KIF13B: variants seen among roughly 807,000 people sequenced by gnomAD.
KIF13B encodes kinesin family member 13B.
KIF13B carries 127 observed loss-of-function variants against 222.0 expected under a neutral mutation model. The observed-to-expected ratio is 0.57, with a 90% CI of 0.50 to 0.66. The LOEUF is 0.66. Ranked by LOEUF, KIF13B falls within the 30% of genes least tolerant of loss-of-function variation. The probability of loss-of-function intolerance (pLI) is 0.00; values close to 1 mark genes in which losing one functional copy is unlikely to be tolerated. For synonymous variants in KIF13B, 976 were observed against 919.0 expected, an observed-to-expected ratio of 1.06 and a Z score of -1.12; for missense variants, 2,173 against 2,379.0, an observed-to-expected ratio of 0.91 and a Z score of 1.80.
chr8:29,257,533 G>C (rs1816529267), intron 1 of KIF13B, among the ~76,000 whole-genome samples: 2 of 152,198 alleles, frequency 1.3e-5, no homozygotes. Context: ...ATGGAGGTGA[G>C]AGGGTAAAAG....
chr8:29,097,610 C>T (rs1808592930), intron 36 of KIF13B, among the ~76,000 whole-genome samples: 1 of 151,998 alleles, frequency 6.6e-6, no homozygotes, highest in African/African-American at 2.4e-5. Context: ...AGAATTAATG[C>T]TAGTTGATAA....
At chr8:29,151,205 C>T (rs1811283276) in intron 14 of KIF13B, among the ~76,000 whole-genome samples, 1 of 152,172 alleles carries the variant, frequency 6.6e-6, no homozygotes, top group African/African-American at 2.4e-5. Flanking sequence ...AGAGCAAGGT[C>T]CTAACTCTCT....
chr8:29,250,127 C>G, intron 1 of KIF13B: 1 of 1,017,264 alleles, frequency 9.8e-7, no homozygotes, highest in African/African-American at 1.6e-5. Context: ...CGGAAATCTA[C>G]TGTGACTCAC....
At chr8:29,197,885 G>A (rs536776976) in intron 2 of KIF13B, among the ~76,000 whole-genome samples, 1 of 152,294 alleles carries the variant, frequency 6.6e-6, no homozygotes, top group African/African-American at 2.4e-5. Flanking sequence ...ATAAAGGAAA[G>A]TACTTTTGAA....
chr8:29,142,361 T>C, intron 18 of KIF13B, 58 bp from the exon 19 acceptor site: 1 of 1,470,624 alleles, frequency 6.8e-7, no homozygotes, highest in Non-Finnish European at 9.3e-7. Context: ...AAGTCAAAGC[T>C]GACAATTCCA....
intron 2 of KIF13B, among the ~76,000 whole-genome samples, chr8:29,244,911 C>A (rs1815953984): frequency 6.6e-6 from 1 of 152,160 alleles, no homozygotes. Flanking sequence ...TTATAACTGA[C>A]AGGTATTTAG....
intron 26 of KIF13B, 127 bp from the exon 27 acceptor site, chr8:29,124,250 T>C (rs2129756269): frequency 1.7e-6 from 1 of 580,692 alleles, no homozygotes; most frequent in Non-Finnish European, 3.0e-6. Context: ...ATTTCTTTAT[T>C]GCTACCACCA....
intron 36 of KIF13B, among the ~76,000 whole-genome samples, chr8:29,096,304 T>C (rs1437561935): frequency 1.2e-4 from 18 of 147,392 alleles, no homozygotes; most frequent in African/African-American, 3.0e-4. Context: ...TTTTTTTTTT[T>C]TTTTTTTTTT....
Position 29,262,983 on chromosome 8 carries a change from G to A in KIF13B, c.52C>T (p.Arg18Ter). ...CCCAGGAGGGCTCGGCTCTCACCTC[G>A]CCGGTTCATGGGTCGTATCCGCACC... is the stretch of plus-strand genomic sequence containing the variant. ...VAVRIRPMNR[R>*]ETDLHTKCVV... Residue 18 changes from arginine to a stop codon, truncating the protein, a stop_gained, in exon 1 of 40, where the codon CGA becomes TGA. Coordinates refer to ENST00000524189, the MANE Select transcript of KIF13B (RefSeq NM_015254.4). LOFTEE classifies it high-confidence loss of function. 5 of 1,591,122 alleles carry A rather than the reference G, an allele frequency of 3.1e-6. No individual in the cohort carries two copies. Among genetic ancestry groups the A allele is most frequent in the Non-Finnish European group, 4.3e-6 (5 of 1,170,338 alleles).
chr8:29,101,940 A>G (rs1472383137), intron 35 of KIF13B, among the ~76,000 whole-genome samples: 1 of 152,170 alleles, frequency 6.6e-6, no homozygotes, highest in East Asian at 1.9e-4. Context: ...TACAACCTCC[A>G]TCCTCTTGAC....
At chr8:29,209,547 A>G (rs1160124223) in intron 2 of KIF13B, among the ~76,000 whole-genome samples, 1 of 152,150 alleles carries the variant, frequency 6.6e-6, no homozygotes, top group Non-Finnish European at 1.5e-5. Context: ...CCTTGAGTTC[A>G]TCTCCTGTAA....
chr8:29,153,022 TG>T (rs1380791174), intron 14 of KIF13B, among the ~76,000 whole-genome samples: 2 of 152,218 alleles, frequency 1.3e-5, no homozygotes, highest in Non-Finnish European at 2.9e-5. Flanking sequence ...TGCTTCATTG[TG>T]GAAGTCCGAA....
Position 29,078,312 on chromosome 8 carries a change from AAG to A in KIF13B, c.4459-2971_4459-2970del, listed in dbSNP as rs1287008975. On this transcript the variant is annotated intron_variant, in intron 37 of 39. Coordinates refer to ENST00000524189, the MANE Select transcript of KIF13B (RefSeq NM_015254.4). ...AAACTCCATCTCAAAAAAAAAAAAAAAGAGAGAGGATTCAGAGGAGGAAAGGG... is the reference window on the plus strand; with the variant it reads ...AAACTCCATCTCAAAAAAAAAAAAAAAGAGAGGATTCAGAGGAGGAAAGGG... Among the ~76,000 whole-genome samples the A allele has an allele frequency of 4.6e-5, 7 of 151,502 alleles. No homozygotes were observed. In the East Asian group the frequency reaches 5.8e-4, roughly 13 times the overall value.
chr8:29,099,092 C>G, intron 36 of KIF13B, 41 bp downstream of exon 36: 2 of 1,437,144 alleles, frequency 1.4e-6, no homozygotes, highest in Non-Finnish European at 9.8e-7. Context: ...GAAAGATGCT[C>G]AGATTTCTGA....
intron 2 of KIF13B, among the ~76,000 whole-genome samples, chr8:29,244,378 C>A (rs553147157): frequency 1.6e-4 from 24 of 152,322 alleles, no homozygotes; most frequent in Middle Eastern, 3.4e-3. Context: ...AAATACAGCG[C>A]TGGTTCTAGA....
intron 24 of KIF13B, among the ~76,000 whole-genome samples, chr8:29,129,071 G>GT (rs1462082274): frequency 2.0e-5 from 3 of 152,082 alleles, no homozygotes; most frequent in Non-Finnish European, 4.4e-5. Context: ...GAAAATTGCG[G>GT]TTTTTGCCAT....
intron 37 of KIF13B, among the ~76,000 whole-genome samples, chr8:29,078,480 C>G (rs1258013770): frequency 1.3e-5 from 2 of 152,154 alleles, no homozygotes; most frequent in East Asian, 3.9e-4. Context: ...ATCCTTCACA[C>G]GTAATAGCTG....
rs1807150933 is a variant in KIF13B at position 29,069,515 on chromosome 8, C to G, written c.*989G>C. 1 of 152,306 alleles carries G rather than the reference C, an allele frequency of 6.6e-6. No homozygotes were observed. Among genetic ancestry groups the G allele is most frequent in the Non-Finnish European group, 1.5e-5 (1 of 68,100 alleles). 9.4% of individuals were successfully genotyped at this position (152,306 alleles called of 1,614,324 possible). ...TCACCGACTACAGAAGCACATCATT[C>G]TCCCAGGTTTTTGCTCTCATCCAAG... On this transcript the variant is annotated 3_prime_UTR_variant, in exon 40 of 40. Coordinates refer to ENST00000524189, the MANE Select transcript of KIF13B (RefSeq NM_015254.4).
At position 29,071,540 on chromosome 8, in the gene KIF13B, T is replaced by C. The variant is rs1807274116; in HGVS notation, c.5218+80A>G. ...GCCCCTCCCTCTCCTGCCCGGACCC[T>C]GTCCCCTCCCAGGCCGGCCACGTTC... On this transcript the variant is annotated intron_variant, in intron 39 of 39. Transcript: ENST00000524189. This position sits in a 1 kb window ranked among gnomAD's most constrained non-coding sequence, Gnocchi z 4.9. 1 of 1,306,802 alleles carries C rather than the reference T, an allele frequency of 7.7e-7. No homozygotes were observed. The highest frequency in any genetic ancestry group is 2.5e-5 in the East Asian group (1 of 39,638). The allele number at this position is 1,306,802 out of a possible 1,614,324, so 81.0% of individuals were successfully genotyped here.
Sources: allele counts gnomAD v4.1 joint callset (sites outside exome capture counted in the v4.1 genomes callset), GRCh38; gene constraint gnomAD v4.1.1; non-coding constraint Gnocchi (gnomAD v3.1); transcripts MANE v1.5; gene names NCBI Gene and HGNC (gene_info 2026-07-23, HGNC 2026-07-21).